SMG6: variants seen among roughly 807,000 people sequenced by gnomAD.
The protein encoded by SMG6 is telomerase-binding protein EST1A.
In SMG6, 66 loss-of-function variants were observed where a neutral mutation model predicts 142.2. The ratio of observed to expected loss-of-function variants is 0.46; its 90% confidence interval spans 0.38 to 0.57. The LOEUF (loss-of-function observed/expected upper bound fraction) is 0.57. SMG6 is among the 20% of genes least tolerant of loss of function. The pLI is 0.00. For synonymous variants in SMG6, 779 were observed against 702.4 expected (o/e 1.11, Z -1.72); for missense variants, 1,793 against 1,832.0 (o/e 0.98, Z 0.39).
chr17:2,223,784 A>G (rs2073242948), intron 10 of SMG6, among the ~76,000 whole-genome samples: 1 of 152,188 alleles, frequency 6.6e-6, no homozygotes, highest in Non-Finnish European at 1.5e-5. Context: ...GAGCCCAATG[A>G]CACCATTTGC....
Position 2,292,885 on chromosome 17 carries a change from ATAATTCGCTGTAT to A in SMG6, c.2231_2243del (p.Asp744ValfsTer9). 6.2e-7 allele frequency: 1 copy of A among 1,614,000 alleles called. No individual in the cohort carries two copies. Among genetic ancestry groups the A allele is most frequent in the Non-Finnish European group, 8.5e-7 (1 of 1,179,878 alleles). ...GGTAAAAGTACCTGCGTGCTTTCCC[ATAATTCGCTGTAT>A]CACTGGCTTGCTCCCGGTACCTAGC... On this transcript the variant is annotated frameshift_variant, in exon 5 of 19. Coordinates refer to ENST00000263073, the MANE Select transcript of SMG6 (RefSeq NM_017575.5). LOFTEE classifies it high-confidence loss of function.
chr17:2,289,078 CAAAA>C (rs34494754), intron 6 of SMG6, among the ~76,000 whole-genome samples: 2 of 87,962 alleles, frequency 2.3e-5, no homozygotes, highest in African/African-American at 4.6e-5. Flanking sequence ...GACTCTGTCT[CAAAA>C]AAAAAAAAAA....
At chr17:2,259,915 G>A (rs1001866809) in intron 8 of SMG6, among the ~76,000 whole-genome samples, 8 of 152,154 alleles carry the variant, frequency 5.3e-5, no homozygotes, top group Non-Finnish European at 7.4e-5. Context: ...AAACCACTCT[G>A]CTGTGGTTAT....
intron 13 of SMG6, among the ~76,000 whole-genome samples, chr17:2,125,149 T>C (rs749331840): frequency 1.3e-5 from 2 of 152,180 alleles, no homozygotes; most frequent in Non-Finnish European, 2.9e-5. Flanking sequence ...AGGTTCTCTT[T>C]GGCTCTGGAG....
At chr17:2,092,986 G>A (rs1350277360) in intron 13 of SMG6, among the ~76,000 whole-genome samples, 1 of 152,156 alleles carries the variant, frequency 6.6e-6, no homozygotes, top group Non-Finnish European at 1.5e-5. Context: ...CCTGCGGTCA[G>A]GAGTCCGAGA....
chr17:2,146,407 T>C (rs2070670744), intron 13 of SMG6, among the ~76,000 whole-genome samples: 2 of 152,172 alleles, frequency 1.3e-5, no homozygotes, highest in East Asian at 1.9e-4. Context: ...TATGAGTAAG[T>C]AGGTCACCTG....
In SMG6 at chr17:2,299,705, G is replaced by C. The variant is rs144439536; in HGVS notation, c.1048C>G (p.Leu350Val). ...GCTTCTGCATCGAAAGTGACACGAAGAGTGCCTCGATATTCTTTAGCACTG... is the reference window on the plus strand; with the variant it reads ...GCTTCTGCATCGAAAGTGACACGAACAGTGCCTCGATATTCTTTAGCACTG... ...KNSAKEYRGT[L>V]RVTFDAEAMN... is the part of the protein sequence containing the mutation. Residue 350 changes from leucine (L) to valine (V), a missense_variant, in exon 2 of 19, where the codon CTT (leucine) becomes GTT (valine). Leu to Val is a conservative substitution (Grantham distance 32). This residue lies in a region of SMG6 where 1,597 missense variants were observed against 1,584.6 expected (regional missense o/e 1.01). Transcript: ENST00000263073. The surrounding 1 kb of genome is among the most constrained non-coding windows in gnomAD (Gnocchi z 4.3). 58 of 1,614,182 alleles carry C rather than the reference G, an allele frequency of 3.6e-5. No homozygotes were observed. In the African/African-American group the frequency reaches 6.9e-4, roughly 19 times the overall value.
intron 8 of SMG6, among the ~76,000 whole-genome samples, chr17:2,262,386 C>T (rs1319937109): frequency 6.6e-6 from 1 of 152,216 alleles, no homozygotes; most frequent in Non-Finnish European, 1.5e-5. Context: ...AATCTATCTA[C>T]ATTGTGATGA....
Position 2,201,011 on chromosome 17 carries a change from C to A in SMG6, c.2870-12496G>T, listed in dbSNP as rs562487681. 9.2e-5 allele frequency among the ~76,000 whole-genome samples: 14 copies of A among 152,288 alleles called. No individual in the cohort carries two copies. In the East Asian group the frequency reaches 1.5e-3, roughly 17 times the overall value. Reference sequence around the variant, plus strand: ...TGCCAATGTATCTGTAATTACAAATCAAACATTTTCTAAAAAGTAGGTGAT... The same window carrying A: ...TGCCAATGTATCTGTAATTACAAATAAAACATTTTCTAAAAAGTAGGTGAT... On this transcript the variant is annotated intron_variant, in intron 10 of 18. Transcript: ENST00000263073.
intron 9 of SMG6, among the ~76,000 whole-genome samples, chr17:2,243,730 G>C (rs1170087980): frequency 6.6e-6 from 1 of 152,188 alleles, no homozygotes; most frequent in African/African-American, 2.4e-5. Flanking sequence ...GTTATGACGG[G>C]AAGTGAAAGG....
In SMG6 at chr17:2,163,455, G is replaced by A. The variant is rs114932591; in HGVS notation, c.3357+9203C>T. ...TTGGCCTCCCAAAGTGCTGTGATTA[G>A]AGGTGCGAGCCACTGTGCCAGGCAC... On this transcript the variant is annotated intron_variant, in intron 13 of 18. Coordinates refer to ENST00000263073, the MANE Select transcript of SMG6 (RefSeq NM_017575.5). Among the ~76,000 whole-genome samples, 358 of 152,192 alleles carry A rather than the reference G, an allele frequency of 2.4e-3. 1 individual carries two copies. Among genetic ancestry groups the A allele is most frequent in the African/African-American group, 7.9e-3 (330 of 41,548 alleles).
chr17:2,238,771 T>C (rs1424585490), intron 9 of SMG6, among the ~76,000 whole-genome samples: 2 of 152,236 alleles, frequency 1.3e-5, no homozygotes, highest in East Asian at 3.8e-4. Context: ...CAGACTGAAG[T>C]CTTGAACGAG....
At position 2,195,086 on chromosome 17, in the gene SMG6, T is replaced by C. The variant is rs139361080; in HGVS notation, c.2870-6571A>G. On this transcript the variant is annotated intron_variant, in intron 10 of 18. Coordinates refer to ENST00000263073, the MANE Select transcript of SMG6 (RefSeq NM_017575.5). ...AACTGGTGCTCCCTGTGGAAGCCATTAGATATTCGGCACTTCATTTGTTTC... is the reference window on the plus strand; with the variant it reads ...AACTGGTGCTCCCTGTGGAAGCCATCAGATATTCGGCACTTCATTTGTTTC... Among the ~76,000 whole-genome samples, 66 of 152,298 alleles carry C rather than the reference T, an allele frequency of 4.3e-4. 1 individual carries two copies. The highest frequency in any genetic ancestry group is 3.9e-3 in the Admixed American group (59 of 15,300).
chr17:2,131,815 T>G (rs1170263974), intron 13 of SMG6, among the ~76,000 whole-genome samples: 2 of 152,200 alleles, frequency 1.3e-5, no homozygotes, highest in African/African-American at 2.4e-5. Context: ...AATTCTAGTG[T>G]AATTCTAGCA....
chr17:2,217,249 A>G (rs1394301204), intron 10 of SMG6, among the ~76,000 whole-genome samples: 1 of 152,158 alleles, frequency 6.6e-6, no homozygotes. Context: ...CATTATTACT[A>G]AAGTATTGTG....
In SMG6 at chr17:2,095,668, C is replaced by G. The variant is rs1168638793; in HGVS notation, c.3358-9767G>C. 3.9e-5 allele frequency among the ~76,000 whole-genome samples: 6 copies of G among 152,188 alleles called. 1 individual carries two copies. Among genetic ancestry groups the G allele is most frequent in the Admixed American group, 3.9e-4 (6 of 15,278 alleles). ...CCCGGCTGCCATGACCTGCGGTACT[C>G]AGGAAGGCAGAATTCTCAGCCCAAG... On this transcript the variant is annotated intron_variant, in intron 13 of 18. Coordinates refer to ENST00000263073, the MANE Select transcript of SMG6 (RefSeq NM_017575.5).
At chr17:2,282,945 C>A (rs1367589648) in intron 7 of SMG6, 86 bp from the exon 8 acceptor site, 7 of 1,359,264 alleles carry the variant, frequency 5.1e-6, no homozygotes, top group Non-Finnish European at 7.3e-6. Flanking sequence ...CGGAGGCAGG[C>A]GGATCACTTG....
intron 13 of SMG6, among the ~76,000 whole-genome samples, chr17:2,158,631 C>G (rs187811336): frequency 6.6e-6 from 1 of 152,160 alleles, no homozygotes; most frequent in Admixed American, 6.6e-5. Flanking sequence ...AAAATTCCAC[C>G]GGAAGGCTAA....
chr17:2,209,259 C>T (rs1225713347), intron 10 of SMG6, among the ~76,000 whole-genome samples: 1 of 152,196 alleles, frequency 6.6e-6, no homozygotes, highest in Non-Finnish European at 1.5e-5. Flanking sequence ...ACTGCCTAGG[C>T]TGGAGTGCAA....
Sources: gnomAD v4.1 joint callset for allele counts (sites outside exome capture counted in the v4.1 genomes callset) on GRCh38, gnomAD v4.1.1 for gene constraint, gnomAD v4.1.1 regional missense constraint, Gnocchi (gnomAD v3.1) non-coding constraint, MANE v1.5 for transcripts, NCBI Gene and HGNC (gene_info 2026-07-23, HGNC 2026-07-21) for gene names.